Variants in UBL7 observed in about 807,000 individuals in gnomAD.
UBL7 encodes the protein ubiquitin like 7.
A neutral mutation model predicts 41.7 loss-of-function variants in UBL7; 21 were observed. The observed-to-expected ratio is 0.50, with a 90% CI of 0.36 to 0.73. The LOEUF (loss-of-function observed/expected upper bound fraction) is 0.73, where lower values mean the gene tolerates loss of function less well. UBL7 is among the 30% of genes least tolerant of loss of function. The probability of loss-of-function intolerance (pLI) is 0.00; values close to 1 mark genes in which losing one functional copy is unlikely to be tolerated. For missense variants in UBL7, 403 were observed against 478.4 expected, an observed-to-expected ratio of 0.84 and a Z score of 1.47; for synonymous variants, 157 against 186.9, an observed-to-expected ratio of 0.84 and a Z score of 1.31.
chr15:74,460,839 A>C, intron 1 of UBL7, 198 bp downstream of exon 1: 2 of 1,215,314 alleles, frequency 1.6e-6, no homozygotes, highest in Non-Finnish European at 2.1e-6. Flanking sequence ...AAGCATCCTC[A>C]AGGTATCTTC....
chr15:74,459,932 C>CAAAAAAAAAAAAAAA (rs55846825), intron 1 of UBL7, among the ~76,000 whole-genome samples: 1 of 18,270 alleles, frequency 5.5e-5, no homozygotes, highest in Non-Finnish European at 1.1e-4. Flanking sequence ...GACTCTGTCG[C>CAAAAAAAAAAAAAAA]AAAAAAAAAA....
chr15:74,461,148 A>G lies in UBL7; in HGVS notation c.-141T>C, dbSNP rs1015745383. 8 of 997,300 alleles carry G rather than the reference A, an allele frequency of 8.0e-6. No individual in the cohort carries two copies. Among genetic ancestry groups the G allele is most frequent in the African/African-American group, 1.7e-5 (1 of 57,322 alleles). 61.8% of individuals were successfully genotyped at this position (997,300 alleles called of 1,614,324 possible). A position where few individuals can be genotyped will look rare whatever the true frequency, so the allele number is the denominator to read the frequency against. On this transcript the variant is annotated 5_prime_UTR_variant, in exon 1 of 11. Transcript: ENST00000395081. The stretch of plus-strand genomic sequence containing the variant: ...AACCCGGCCGCACTGCCGCCGGTGT[A>G]AACACTCACTCTGGCCCTCTCGCCG...
chr15:74,446,300 C>A lies in UBL7; in HGVS notation c.1006-73G>T. On this transcript the variant is annotated intron_variant, in intron 10 of 10. Transcript: ENST00000395081. This position sits in a 1 kb window ranked among gnomAD's most constrained non-coding sequence, Gnocchi z 4.1. ...AAGACTCACTTAGGTCTGTGCTTTCCGGGGAAGGAAAGGAAGATGGGGGAG... is the reference window on the plus strand; with the variant it reads ...AAGACTCACTTAGGTCTGTGCTTTCAGGGGAAGGAAAGGAAGATGGGGGAG... 1 of 1,574,878 alleles carries A rather than the reference C, an allele frequency of 6.3e-7. No individual in the cohort carries two copies. The highest frequency in any genetic ancestry group is 8.6e-7 in the Non-Finnish European group (1 of 1,157,480).
Position 74,450,798 on chromosome 15 carries a change from T to C in UBL7, c.530+4A>G. On this transcript the variant is annotated splice_donor_region_variant and intron_variant, in intron 6 of 10. Coordinates refer to ENST00000395081, the MANE Select transcript of UBL7 (RefSeq NM_032907.5). The stretch of plus-strand genomic sequence containing the variant: ...GTACCCTCTAATAGGACAGGTACAC[T>C]TACGTATCAAGCATATTGGGATCAG... 6.2e-7 allele frequency: 1 copy of C among 1,613,232 alleles called. No homozygotes were observed.
At position 74,456,585 on chromosome 15, in the gene UBL7, G is replaced by A. The variant is rs767269062; in HGVS notation, c.271C>T (p.Arg91Ter). 6.8e-6 allele frequency: 11 copies of A among 1,614,052 alleles called. No homozygotes were observed. The highest frequency in any genetic ancestry group is 3.3e-5 in the Admixed American group (2 of 60,022). The part of the protein sequence containing the change: ...IQPGSTVHVL[R>*]KSWPEPDQKP... ...TGATCAGGTTCAGGCCAGGACTTTCGCAGAACATGGACAGTGGACCCAGGT... is the reference window on the plus strand; with the variant it reads ...TGATCAGGTTCAGGCCAGGACTTTCACAGAACATGGACAGTGGACCCAGGT... Residue 91 changes from arginine to a stop codon, truncating the protein, a stop_gained, in exon 3 of 11, where the codon CGA (arginine) becomes TGA (stop). Coordinates refer to ENST00000395081, the MANE Select transcript of UBL7 (RefSeq NM_032907.5). LOFTEE classifies it high-confidence loss of function.
At position 74,446,079 on chromosome 15, in the gene UBL7, A is replaced by G; in HGVS notation, c.*11T>C. ...CTGCAACTTGCTGGGGGTTCAGGGGAAGCAGGGAGTTCATGGGGCTCCTCC... is the reference window on the plus strand; with the variant it reads ...CTGCAACTTGCTGGGGGTTCAGGGGGAGCAGGGAGTTCATGGGGCTCCTCC... On this transcript the variant is annotated 3_prime_UTR_variant, in exon 11 of 11. Transcript: ENST00000395081. The surrounding 1 kb of genome is among the most constrained non-coding windows in gnomAD (Gnocchi z 4.1). The G allele has an allele frequency of 6.2e-7, 1 of 1,613,158 alleles. No individual in the cohort carries two copies. The highest frequency in any genetic ancestry group is 1.1e-5 in the South Asian group (1 of 91,050).
chr15:74,449,171 G>A lies in UBL7; in HGVS notation c.882+15C>T. ...TGGGGGCCCAGCCTTGATCTTCCCG[G>A]CCCCGTCTTCATACCTGGGTGCCAG... On this transcript the variant is annotated intron_variant, in intron 9 of 10. Coordinates refer to ENST00000395081, the MANE Select transcript of UBL7 (RefSeq NM_032907.5). The A allele has an allele frequency of 6.5e-7, 1 of 1,532,916 alleles. No homozygotes were observed. Among genetic ancestry groups the A allele is most frequent in the South Asian group, 1.3e-5 (1 of 77,140 alleles). 95.0% of individuals were successfully genotyped at this position (1,532,916 alleles called of 1,614,324 possible). A position where few individuals can be genotyped will look rare whatever the true frequency, so the allele number is the denominator to read the frequency against.
rs763029531 is a variant in UBL7, at chr15:74,458,732, G to A, written c.136C>T (p.Leu46Phe). 3.1e-6 allele frequency: 5 copies of A among 1,613,956 alleles called. No individual in the cohort carries two copies. The South Asian group carries it at 5.5e-5, about 18-fold the overall frequency. Reference sequence around the variant, plus strand: ...GACTCCTGGAGTTTGCCAGCAATAAGCTGCTTCAGAAATGAAATACTATAG... The same window carrying A: ...GACTCCTGGAGTTTGCCAGCAATAAACTGCTTCAGAAATGAAATACTATAG... ...GGYSISFLKQ[L>F]IAGKLQESVP... The change falls in exon 2 of 11, where the codon CTT (leucine) becomes TTT (phenylalanine). Residue 46 changes from leucine (L) to phenylalanine (F), a missense_variant. By Grantham distance (22) the Leu-to-Phe change is conservative. Coordinates refer to ENST00000395081, the MANE Select transcript of UBL7 (RefSeq NM_032907.5).
chr15:74,453,898 T>C (rs981895147), intron 3 of UBL7, among the ~76,000 whole-genome samples: 7 of 152,216 alleles, frequency 4.6e-5, no homozygotes, highest in Non-Finnish European at 1.0e-4. Flanking sequence ...AATAAAAAGG[T>C]CATTTGTTTC....
chr15:74,450,967 A>G (rs1052342252), intron 5 of UBL7, 108 bp from the exon 6 acceptor site: 19 of 1,131,176 alleles, frequency 1.7e-5, no homozygotes, highest in Non-Finnish European at 2.5e-5. Flanking sequence ...ACAGGACAAC[A>G]AGCCAATCTT....
At chr15:74,447,363 C>A (rs1269634124) in intron 10 of UBL7, among the ~76,000 whole-genome samples, 3 of 152,186 alleles carry the variant, frequency 2.0e-5, no homozygotes, top group Non-Finnish European at 4.4e-5. Flanking sequence ...AATGCTGGCC[C>A]CTCAGGTATT....
rs2061180712 is a variant in UBL7, at chr15:74,446,097, G to T, written c.1136C>A (p.Ala379Asp). Residue 379 changes from alanine to aspartate, a missense_variant, in exon 11 of 11, where the codon GCC becomes GAC. Ala to Asp is a moderately radical substitution (Grantham distance 126). Transcript: ENST00000395081. This position sits in a 1 kb window ranked among gnomAD's most constrained non-coding sequence, Gnocchi z 4.1. ...TCAGGGGAAGCAGGGAGTTCATGGG[G>T]CTCCTCCAGCAAAGATGAGCTCCAG... is the stretch of plus-strand genomic sequence containing the variant. ...AALELIFAGGAP is the reference protein window; with the variant it reads ...AALELIFAGGDP 1.2e-6 allele frequency: 2 copies of T among 1,613,918 alleles called. No individual in the cohort carries two copies. The highest frequency in any genetic ancestry group is 4.5e-5 in the East Asian group (2 of 44,878).
Position 74,449,177 on chromosome 15 carries a change from T to G in UBL7, c.882+9A>C. The G allele has an allele frequency of 6.5e-7, 1 of 1,536,622 alleles. No individual in the cohort carries two copies. Among genetic ancestry groups the G allele is most frequent in the Non-Finnish European group, 8.7e-7 (1 of 1,145,944 alleles). ...CCCAGCCTTGATCTTCCCGGCCCCG[T>G]CTTCATACCTGGGTGCCAGGAGTCG... On this transcript the variant is annotated intron_variant, in intron 9 of 10. Transcript: ENST00000395081.
chr15:74,454,587 G>A (rs766427711), intron 3 of UBL7, among the ~76,000 whole-genome samples: 3 of 152,042 alleles, frequency 2.0e-5, no homozygotes, highest in African/African-American at 7.3e-5. Context: ...TAGTATAGAC[G>A]GGGTTTCTCC....
chr15:74,458,884 T>A lies in UBL7; in HGVS notation c.-17A>T. ...GAGAGACATCCTCTCTCTTTCGCGC[T>A]CTCTCTTTCTCCCTGTAAAAGAACA... On this transcript the variant is annotated 5_prime_UTR_variant, in exon 2 of 11. Coordinates refer to ENST00000395081, the MANE Select transcript of UBL7 (RefSeq NM_032907.5). 3 of 1,605,770 alleles carry A rather than the reference T, an allele frequency of 1.9e-6. No homozygotes were observed. The highest frequency in any genetic ancestry group is 2.5e-6 in the Non-Finnish European group (3 of 1,179,792).
At chr15:74,447,369 G>A (rs962743326) in intron 10 of UBL7, among the ~76,000 whole-genome samples, 1 of 152,190 alleles carries the variant, frequency 6.6e-6, no homozygotes, top group Non-Finnish European at 1.5e-5. Flanking sequence ...GGCCCCTCAG[G>A]TATTCCACTT....
Position 74,461,048 on chromosome 15 carries a change from G to A in UBL7, c.-41C>T. The A allele has an allele frequency of 2.9e-6, 3 of 1,040,652 alleles. No individual in the cohort carries two copies. Among genetic ancestry groups the A allele is most frequent in the Non-Finnish European group, 3.5e-6 (3 of 860,562 alleles). The allele number at this position is 1,040,652 out of a possible 1,614,324, so 64.5% of individuals were successfully genotyped here. A position where few individuals can be genotyped will look rare whatever the true frequency, so the allele number is the denominator to read the frequency against. On this transcript the variant is annotated 5_prime_UTR_variant, in exon 1 of 11. Transcript: ENST00000395081. ...GGTGGCGACCTCACCGCTCCAGTGG[G>A]ACCAGCTACTTGGCTGACACACATC...
At chr15:74,449,096 A>G in intron 9 of UBL7, 90 bp downstream of exon 9, 1 of 1,440,680 alleles carries the variant, frequency 6.9e-7, no homozygotes, top group African/African-American at 1.4e-5. Context: ...TAGATCTAGC[A>G]CCAGGGTCAG....
At chr15:74,460,409 A>G (rs1025419331) in intron 1 of UBL7, among the ~76,000 whole-genome samples, 1 of 152,198 alleles carries the variant, frequency 6.6e-6, no homozygotes, top group Admixed American at 6.5e-5. Context: ...GTACACACTC[A>G]TAACAAAGCT....
Sources: allele counts gnomAD v4.1 joint callset (sites outside exome capture counted in the v4.1 genomes callset), GRCh38; gene constraint gnomAD v4.1.1; non-coding constraint Gnocchi (gnomAD v3.1); transcripts MANE v1.5; gene names NCBI Gene and HGNC (gene_info 2026-07-23, HGNC 2026-07-21).